The following KYNU variants were observed in gnomAD, a reference collection of about 807,000 sequenced individuals.
KYNU encodes L-kynurenine hydrolase.
Under a neutral mutation model 59.2 loss-of-function variants are expected in KYNU, and 54 were observed. The observed-to-expected ratio is 0.91, with a 90% CI of 0.73 to 1.14. The LOEUF (loss-of-function observed/expected upper bound fraction) is 1.14, where lower values mean the gene tolerates loss of function less well. Ranked by LOEUF, KYNU falls within the 50% of genes most tolerant of loss-of-function variation. The probability of loss-of-function intolerance (pLI) is 0.00; values close to 1 mark genes in which losing one functional copy is unlikely to be tolerated. For missense variants in KYNU, 567 were observed against 554.4 expected (o/e 1.02, Z -0.23); for synonymous variants, 177 against 192.0 (o/e 0.92, Z 0.65).
At chr2:142,947,159 T>C (rs2105065427) in intron 4 of KYNU, 1 of 1,551,110 alleles carries the variant, frequency 6.4e-7, no homozygotes, top group Non-Finnish European at 8.7e-7. Flanking sequence ...CCTCAGTATG[T>C]GTAATCTTAA....
intron 4 of KYNU, among the ~76,000 whole-genome samples, chr2:142,933,236 G>T (rs1264897477): frequency 6.6e-6 from 1 of 152,136 alleles, no homozygotes; most frequent in Non-Finnish European, 1.5e-5. Flanking sequence ...CTGAAGGGTG[G>T]GTCCTTTAGA....
chr2:142,889,115 G>A (rs1681616795), intron 2 of KYNU, among the ~76,000 whole-genome samples: 1 of 151,702 alleles, frequency 6.6e-6, no homozygotes, highest in African/African-American at 2.4e-5. Context: ...CATGATGTAG[G>A]AGCAAAAAGA....
chr2:142,915,848 C>T (rs1036259941), intron 2 of KYNU, among the ~76,000 whole-genome samples: 1 of 152,124 alleles, frequency 6.6e-6, no homozygotes, highest in African/African-American at 2.4e-5. Flanking sequence ...TGTTGACAGC[C>T]TAACCACCTG....
intron 10 of KYNU, among the ~76,000 whole-genome samples, chr2:143,028,243 C>CTTTTTTTTTTTTTTTT (rs754504556): frequency 1.2e-4 from 11 of 90,428 alleles, no homozygotes; most frequent in Non-Finnish European, 1.8e-4. Flanking sequence ...ATTTTACATT[C>CTTTTTTTTTTTTTTTT]TTTTTTTTTT....
At chr2:142,936,132 A>G (rs562869942) in intron 4 of KYNU, among the ~76,000 whole-genome samples, 27 of 152,276 alleles carry the variant, frequency 1.8e-4, no homozygotes, top group African/African-American at 6.5e-4. Context: ...GGTGATCTGG[A>G]TAGCAAGAAT....
intron 11 of KYNU, among the ~76,000 whole-genome samples, chr2:143,031,352 A>G (rs34550924): frequency 0.15 from 22,762 of 152,134 alleles, 2,222 homozygotes; most frequent in South Asian, 0.36. Flanking sequence ...CAAATACTCA[A>G]TTCCGTCATT....
At chr2:142,946,521 A>T (rs1683786310) in intron 4 of KYNU, among the ~76,000 whole-genome samples, 2 of 152,212 alleles carry the variant, frequency 1.3e-5, no homozygotes, top group Non-Finnish European at 2.9e-5. Context: ...GTGCATTGTC[A>T]ATAAGCACTA....
intron 3 of KYNU, among the ~76,000 whole-genome samples, chr2:142,921,941 C>T (rs1318202229): frequency 2.8e-4 from 43 of 152,160 alleles, no homozygotes; most frequent in Non-Finnish European, 2.9e-5. Context: ...GTACTAAAAT[C>T]AAACCCTGCA....
chr2:142,918,186 TA>T (rs1006709778), intron 2 of KYNU, among the ~76,000 whole-genome samples: 49 of 152,330 alleles, frequency 3.2e-4, no homozygotes, highest in Admixed American at 7.2e-4. Context: ...TTGCATTTTT[TA>T]AAAAAATTGC....
chr2:142,927,615 G>A (rs1683084976), intron 3 of KYNU, 44 bp from the exon 4 acceptor site: 1 of 1,326,088 alleles, frequency 7.5e-7, no homozygotes, highest in African/African-American at 1.4e-5. Context: ...TCACACACAT[G>A]CACATAAAAG....
intron 10 of KYNU, among the ~76,000 whole-genome samples, chr2:143,019,875 C>T (rs1172462045): frequency 1.3e-5 from 2 of 151,872 alleles, no homozygotes; most frequent in African/African-American, 2.4e-5. Context: ...CATGTGCATC[C>T]AGGAATTTAT....
At position 143,050,836 on chromosome 2, in the gene KYNU, T is replaced by C. The variant is rs959520183; in HGVS notation, c.*8664T>C. On this transcript the variant is annotated 3_prime_UTR_variant, in exon 14 of 14. Transcript: ENST00000264170. ...TCCATAAACTGAAGTTGTTAGAACA[T>C]TGATTTTTTTAAGTAAATGGATTTT... 3.9e-5 allele frequency: 6 copies of C among 152,178 alleles called. No homozygotes were observed. The highest frequency in any genetic ancestry group is 1.4e-4 in the African/African-American group (6 of 41,448). The allele number at this position is 152,178 out of a possible 1,614,324, so 9.4% of individuals were successfully genotyped here.
intron 10 of KYNU, among the ~76,000 whole-genome samples, chr2:142,988,160 C>A (rs1685277027): frequency 6.6e-6 from 1 of 151,692 alleles, no homozygotes; most frequent in African/African-American, 2.4e-5. Context: ...AAAAAAAAAT[C>A]CAAAATTTAC....
At chr2:142,924,062 T>A (rs1047776402) in intron 3 of KYNU, among the ~76,000 whole-genome samples, 1 of 152,174 alleles carries the variant, frequency 6.6e-6, no homozygotes, top group African/African-American at 2.4e-5. Context: ...TAGAATGGCA[T>A]GTTACAAAGA....
At chr2:143,006,776 G>T (rs1685919136) in intron 10 of KYNU, among the ~76,000 whole-genome samples, 1 of 151,752 alleles carries the variant, frequency 6.6e-6, no homozygotes, top group African/African-American at 2.4e-5. Flanking sequence ...TAACTGGGAG[G>T]CACCCCCCAG....
chr2:142,910,074 A>G (rs925765844), intron 2 of KYNU, among the ~76,000 whole-genome samples: 9 of 145,180 alleles, frequency 6.2e-5, no homozygotes, highest in Admixed American at 6.8e-5. Flanking sequence ...ATTTTTTCAT[A>G]TATTTGTTGG....
At chr2:142,900,454 T>C (rs1239925035) in intron 2 of KYNU, among the ~76,000 whole-genome samples, 2 of 152,196 alleles carry the variant, frequency 1.3e-5, no homozygotes, top group Non-Finnish European at 2.9e-5. Flanking sequence ...TGCCTGGGTT[T>C]ATATCCTGAT....
Position 143,054,649 on chromosome 2 carries a change from A to C in KYNU, c.*12477A>C, listed in dbSNP as rs1687322613. 1 of 152,204 alleles carries C rather than the reference A, an allele frequency of 6.6e-6. No individual in the cohort carries two copies. Among genetic ancestry groups the C allele is most frequent in the African/African-American group, 2.4e-5 (1 of 41,460 alleles). The allele number at this position is 152,204 out of a possible 1,614,324, so 9.4% of individuals were successfully genotyped here. A position where few individuals can be genotyped will look rare whatever the true frequency, so the allele number is the denominator to read the frequency against. On this transcript the variant is annotated 3_prime_UTR_variant, in exon 14 of 14. Transcript: ENST00000264170. Reference sequence around the variant, plus strand: ...AGTCAGGAAATAAGAAACCAAGTCCAATCAAAATAGCCCTAAAGCTACCTT... The same window carrying C: ...AGTCAGGAAATAAGAAACCAAGTCCCATCAAAATAGCCCTAAAGCTACCTT...
At chr2:142,956,448 TTAAAG>T in intron 6 of KYNU, among the ~76,000 whole-genome samples, 174 bp downstream of exon 6, 1 of 152,174 alleles carries the variant, frequency 6.6e-6, no homozygotes, top group Non-Finnish European at 1.5e-5. Flanking sequence ...ATTTCTTTTG[TTAAAG>T]TAAAACACGT....
Sources: gnomAD v4.1 joint callset for allele counts (sites outside exome capture counted in the v4.1 genomes callset) on GRCh38, gnomAD v4.1.1 for gene constraint, MANE v1.5 for transcripts, NCBI Gene and HGNC (gene_info 2026-07-23, HGNC 2026-07-21) for gene names.